The following DLGAP2 variants were observed in gnomAD, a reference collection of about 807,000 sequenced individuals.
DLGAP2 encodes DLG associated protein 2, also known as disks large-associated protein 2.
In DLGAP2, 26 loss-of-function variants were observed where a neutral mutation model predicts 100.3. The ratio of observed to expected loss-of-function variants is 0.26; its 90% CI spans 0.19 to 0.36. The LOEUF is 0.36. Among genes scored for constraint, DLGAP2 ranks in the 10% least tolerant of loss-of-function variants. The pLI, the probability that DLGAP2 is intolerant of heterozygous loss-of-function variation, is 1.00. For missense variants in DLGAP2, 1,858 were observed against 1,453.2 expected, an observed-to-expected ratio of 1.28 and a Z score of -4.53; for synonymous variants, 886 against 630.1, an observed-to-expected ratio of 1.41 and a Z score of -6.08.
intron 2 of DLGAP2, among the ~76,000 whole-genome samples, chr8:1,231,724 G>T (rs1798539973): frequency 6.6e-6 from 1 of 152,090 alleles, no homozygotes; most frequent in African/African-American, 2.4e-5. Context: ...ACTAACACAG[G>T]AACAGAAAAT....
chr8:1,441,900 C>A (rs937438925), intron 3 of DLGAP2, among the ~76,000 whole-genome samples: 1 of 151,698 alleles, frequency 6.6e-6, no homozygotes, highest in Non-Finnish European at 1.5e-5. Flanking sequence ...TCAATGTGGT[C>A]CATATACACT....
intron 5 of DLGAP2, among the ~76,000 whole-genome samples, chr8:1,559,794 G>A (rs1008314332): frequency 2.0e-5 from 3 of 152,214 alleles, no homozygotes; most frequent in Non-Finnish European, 4.4e-5. Context: ...CAGGAGAGTG[G>A]CAGCGTGAGC....
rs112773863 is a variant in DLGAP2 at position 866,354 on chromosome 8, C to G, written c.19-41558C>G. 6.7e-4 allele frequency among the ~76,000 whole-genome samples: 102 copies of G among 152,322 alleles called. 1 individual carries two copies. Among genetic ancestry groups the G allele is most frequent in the African/African-American group, 2.3e-3 (97 of 41,566 alleles). ...GGGGCATGTGCTCTGTGTTGGAAGT[C>G]AGTGCCAGGCGGGCGCAGGTGACCA... On this transcript the variant is annotated intron_variant, in intron 1 of 14. Transcript: ENST00000637795.
At chr8:1,350,467 ACT>A in intron 3 of DLGAP2, among the ~76,000 whole-genome samples, 2 of 93,920 alleles carry the variant, frequency 2.1e-5, no homozygotes, top group Admixed American at 1.1e-4. Context: ...GCGGGTCCTG[ACT>A]GTGCGTGGAA....
At chr8:1,092,395 C>A (rs555924894) in intron 2 of DLGAP2, among the ~76,000 whole-genome samples, 158 of 152,324 alleles carry the variant, frequency 1.0e-3, no homozygotes, top group African/African-American at 3.6e-3. Flanking sequence ...ATAGCCTTTG[C>A]CGTCAGCGAT....
intron 8 of DLGAP2, among the ~76,000 whole-genome samples, chr8:1,646,101 G>T (rs1423343540): frequency 2.6e-5 from 4 of 152,182 alleles, no homozygotes; most frequent in African/African-American, 9.7e-5. Flanking sequence ...GTGTCTGAGA[G>T]GGTGACTCTG....
intron 1 of DLGAP2, among the ~76,000 whole-genome samples, chr8:774,708 A>G (rs1305270310): frequency 6.6e-6 from 1 of 151,414 alleles, no homozygotes; most frequent in Non-Finnish European, 1.5e-5. Flanking sequence ...ATTGATCTAT[A>G]TCTCTGTTTT....
rs529805346 is a variant in DLGAP2, at chr8:900,404, C to T, written c.19-7508C>T. 2.6e-5 allele frequency among the ~76,000 whole-genome samples: 4 copies of T among 152,234 alleles called. No homozygotes were observed. In the East Asian group the frequency reaches 5.8e-4, roughly 22 times the overall value. ...CGGATGGTGGGCGCCCTCCTCTTCACGGTGTTGCTCCTGGAGCTCCGAGGC... is the reference window on the plus strand; with the variant it reads ...CGGATGGTGGGCGCCCTCCTCTTCATGGTGTTGCTCCTGGAGCTCCGAGGC... On this transcript the variant is annotated intron_variant, in intron 1 of 14. Coordinates refer to ENST00000637795, the MANE Select transcript of DLGAP2 (RefSeq NM_001346810.2).
intron 3 of DLGAP2, among the ~76,000 whole-genome samples, chr8:1,451,293 C>G (rs902104842): frequency 2.6e-5 from 4 of 152,140 alleles, no homozygotes; most frequent in Non-Finnish European, 5.9e-5. Flanking sequence ...GCTGACTCCC[C>G]AGACTCAGTC....
intron 3 of DLGAP2, among the ~76,000 whole-genome samples, chr8:1,450,979 C>G (rs966007410): frequency 6.6e-6 from 1 of 152,114 alleles, no homozygotes; most frequent in Non-Finnish European, 1.5e-5. Flanking sequence ...CTCGTAAGGG[C>G]GCCAGTGACA....
intron 2 of DLGAP2, among the ~76,000 whole-genome samples, chr8:1,149,877 C>T (rs927589694): frequency 1.3e-5 from 2 of 152,170 alleles, no homozygotes; most frequent in East Asian, 1.9e-4. Flanking sequence ...AAACTCAGAC[C>T]GATGGGTGTT....
intron 3 of DLGAP2, among the ~76,000 whole-genome samples, chr8:1,293,325 G>A (rs550936645): frequency 7.9e-5 from 12 of 152,236 alleles, no homozygotes; most frequent in African/African-American, 2.6e-4. Flanking sequence ...CTGGGCTCCC[G>A]GACGGCTGAG....
chr8:861,744 C>T (rs903054657), intron 1 of DLGAP2, among the ~76,000 whole-genome samples: 3 of 152,224 alleles, frequency 2.0e-5, no homozygotes, highest in Non-Finnish European at 4.4e-5. Flanking sequence ...ACTCAAGGGA[C>T]AGCAGCGTTG....
chr8:896,436 G>T (rs908750025), intron 1 of DLGAP2, among the ~76,000 whole-genome samples: 4 of 152,058 alleles, frequency 2.6e-5, no homozygotes, highest in Non-Finnish European at 5.9e-5. Context: ...GGGTGGTGGG[G>T]AGATGATGTA....
intron 2 of DLGAP2, among the ~76,000 whole-genome samples, chr8:985,220 C>G (rs1001781819): frequency 6.6e-6 from 1 of 152,174 alleles, no homozygotes; most frequent in Non-Finnish European, 1.5e-5. Flanking sequence ...AGTCAAGATA[C>G]AAGGTCCGAA....
intron 4 of DLGAP2, among the ~76,000 whole-genome samples, chr8:1,521,333 G>C (rs76879817): frequency 1.5e-5 from 1 of 65,780 alleles, no homozygotes; most frequent in South Asian, 1.4e-3. Flanking sequence ...CGGGCGGCAG[G>C]TGATATGGGG....
intron 4 of DLGAP2, among the ~76,000 whole-genome samples, chr8:1,516,961 A>C (rs1800414497): frequency 6.6e-6 from 1 of 152,212 alleles, no homozygotes; most frequent in South Asian, 2.1e-4. Flanking sequence ...CACCTCATCC[A>C]CTGTCTCAGG....
At chr8:804,730 C>G (rs1796235271) in intron 1 of DLGAP2, among the ~76,000 whole-genome samples, 1 of 152,172 alleles carries the variant, frequency 6.6e-6, no homozygotes, top group Non-Finnish European at 1.5e-5. Context: ...AGCAAGGGCA[C>G]TGGTTGTCCT....
chr8:1,471,317 C>G (rs561133433), intron 3 of DLGAP2, among the ~76,000 whole-genome samples: 3 of 104,312 alleles, frequency 2.9e-5, no homozygotes, highest in African/African-American at 1.2e-4. Context: ...ACCCCTCCAG[C>G]CTTTCCCGAC....
Sources: gnomAD v4.1 joint callset for allele counts (sites outside exome capture counted in the v4.1 genomes callset) on GRCh38, gnomAD v4.1.1 for gene constraint, MANE v1.5 for transcripts, NCBI Gene and HGNC (gene_info 2026-07-23, HGNC 2026-07-21) for gene names.